The following TRPV3 variants were observed in gnomAD, a reference collection of about 807,000 sequenced individuals.
TRPV3 encodes the protein VRL-3.
Under a neutral mutation model 87.1 loss-of-function variants are expected in TRPV3, and 88 were observed. The ratio of observed to expected loss-of-function variants is 1.01; its 90% CI spans 0.85 to 1.21. The LOEUF (loss-of-function observed/expected upper bound fraction) is 1.21, where lower values mean the gene tolerates loss of function less well. Ranked by LOEUF, TRPV3 falls within the 50% of genes most tolerant of loss-of-function variation. The pLI is 0.00. For missense variants in TRPV3, 1,054 were observed against 1,030.1 expected, an observed-to-expected ratio of 1.02 and a Z score of -0.32; for synonymous variants, 438 against 423.3, an observed-to-expected ratio of 1.03 and a Z score of -0.43.
chr17:3,528,009 CGG>C lies in TRPV3; in HGVS notation c.1503+14_1503+15del. ...GCCTCGCGGGGCGGTCTGGAAGGGCCGGGTGGCCCACTTACCTCTTTCACAGA... is the reference window on the plus strand; with the variant it reads ...GCCTCGCGGGGCGGTCTGGAAGGGCCGTGGCCCACTTACCTCTTTCACAGA... On this transcript the variant is annotated intron_variant, in intron 11 of 17. Transcript: ENST00000576742. This position sits in a 1 kb window ranked among gnomAD's most constrained non-coding sequence, Gnocchi z 4.2. 2 of 1,606,406 alleles carry C rather than the reference CGG, an allele frequency of 1.2e-6. No individual in the cohort carries two copies. Among genetic ancestry groups the C allele is most frequent in the East Asian group, 2.2e-5 (1 of 44,856 alleles).
intron 12 of TRPV3, among the ~76,000 whole-genome samples, chr17:3,525,208 T>TG (rs1282070379): frequency 3.9e-5 from 6 of 152,094 alleles, no homozygotes; most frequent in Non-Finnish European, 7.4e-5. Flanking sequence ...TTAGTAGAGA[T>TG]GGGGTTTCAC....
At chr17:3,519,482 T>TTGGATGGATGGATGGATGGATGAA (rs2074217549) in intron 14 of TRPV3, among the ~76,000 whole-genome samples, 3 of 91,370 alleles carry the variant, frequency 3.3e-5, no homozygotes, top group Non-Finnish European at 4.5e-5. Context: ...GGATAGATGA[T>TTGGATGGATGGATGGATGGATGAA]TGGATGGATG....
intron 7 of TRPV3, among the ~76,000 whole-genome samples, chr17:3,535,128 C>A (rs1008276460): frequency 1.1e-4 from 16 of 151,048 alleles, no homozygotes; most frequent in Admixed American, 5.9e-4. Context: ...GCGGGGTGGC[C>A]CCTCCCTTCC....
At chr17:3,516,187 A>T (rs1250965136) in intron 16 of TRPV3, among the ~76,000 whole-genome samples, 1 of 564 alleles carries the variant, frequency 1.8e-3, no homozygotes, top group Non-Finnish European at 0.028. Context: ...ATTCCGTCTC[A>T]AAAAAAAATA....
chr17:3,525,302 G>A (rs949282397), intron 12 of TRPV3, among the ~76,000 whole-genome samples: 4 of 152,212 alleles, frequency 2.6e-5, no homozygotes, highest in African/African-American at 9.7e-5. Context: ...TTACAGGCGT[G>A]AGCCAACGCG....
chr17:3,556,176 CA>C lies in TRPV3; in HGVS notation c.-2-1325del, dbSNP rs1348166708. ...TGGGCGACAGAGCGAGACTCCGTCT[CA>C]AAAAAAATGAAAAAAAAAAAAAATA... is the stretch of plus-strand genomic sequence containing the variant. On this transcript the variant is annotated intron_variant, in intron 1 of 17. Coordinates refer to ENST00000576742, the MANE Select transcript of TRPV3 (RefSeq NM_145068.4). This position sits in a 1 kb window ranked among gnomAD's most constrained non-coding sequence, Gnocchi z 4.2. Among the ~76,000 whole-genome samples, 2 of 83,310 alleles carry C rather than the reference CA, an allele frequency of 2.4e-5. No individual in the cohort carries two copies. Among genetic ancestry groups the C allele is most frequent in the South Asian group, 4.7e-4 (1 of 2,132 alleles). 54.7% of individuals were successfully genotyped at this position (83,310 alleles called of 152,430 possible).
At chr17:3,525,659 G>A (rs140777603) in intron 12 of TRPV3, among the ~76,000 whole-genome samples, 37 of 147,274 alleles carry the variant, frequency 2.5e-4, no homozygotes, top group Middle Eastern at 7.1e-3. Flanking sequence ...TCACTCTGTC[G>A]CCCAGGCTGG....
At position 3,532,901 on chromosome 17, in the gene TRPV3, T is replaced by C; in HGVS notation, c.821A>G (p.Gln274Arg). 1 of 1,614,212 alleles carries C rather than the reference T, an allele frequency of 6.2e-7. No individual in the cohort carries two copies. Among genetic ancestry groups the C allele is most frequent in the Non-Finnish European group, 8.5e-7 (1 of 1,180,034 alleles). Residue 274 changes from glutamine to arginine, a missense_variant, in exon 8 of 18, where the codon CAG becomes CGG. Coordinates refer to ENST00000576742, the MANE Select transcript of TRPV3 (RefSeq NM_145068.4). Reference protein sequence around the residue: ...TPLALAACTNQPEIVQLLMEH... With the variant: ...TPLALAACTNRPEIVQLLMEH... ...CATCAGCAGCTGCACAATCTCGGGC[T>C]GGTTGGTGCATGCTGCCAGGGCCAG...
At chr17:3,523,687 T>A (rs9890093) in intron 13 of TRPV3, among the ~76,000 whole-genome samples, 16,916 of 141,384 alleles carry the variant, frequency 0.12, 1,305 homozygotes, top group African/African-American at 0.23. Context: ...CACTTTACTC[T>A]GGCCTGGGCA....
At chr17:3,535,473 C>T in intron 7 of TRPV3, 100 bp downstream of exon 7, 2 of 1,239,066 alleles carry the variant, frequency 1.6e-6, no homozygotes, top group Non-Finnish European at 1.1e-6. Flanking sequence ...CTCTTTCTTC[C>T]CCCCTCCTCC....
chr17:3,527,672 G>A, intron 11 of TRPV3: 2 of 325,820 alleles, frequency 6.1e-6, no homozygotes, highest in Non-Finnish European at 1.2e-5. Context: ...ATAGAAGGAT[G>A]GTCGGTAAGG....
At chr17:3,524,156 C>T in intron 13 of TRPV3, 42 bp downstream of exon 13, 1 of 1,601,732 alleles carries the variant, frequency 6.2e-7, no homozygotes, top group Non-Finnish European at 8.5e-7. Context: ...GAAAAATGGC[C>T]ATCCTCCGAG....
In TRPV3 at chr17:3,518,456, G is replaced by A. The variant is rs1597466208; in HGVS notation, c.2085+120C>T. ...CTCCTCAAACCTGGCCACACACTGAGGAGCTTGTGCAGATTCTCAGGCCCC... is the reference window on the plus strand; with the variant it reads ...CTCCTCAAACCTGGCCACACACTGAAGAGCTTGTGCAGATTCTCAGGCCCC... On this transcript the variant is annotated intron_variant, in intron 15 of 17. Transcript: ENST00000576742. This position sits in a 1 kb window ranked among gnomAD's most constrained non-coding sequence, Gnocchi z 4.3. The A allele has an allele frequency of 1.7e-6, 2 of 1,209,852 alleles. No homozygotes were observed. Among genetic ancestry groups the A allele is most frequent in the East Asian group, 5.1e-5 (2 of 39,052 alleles). 74.9% of individuals were successfully genotyped at this position (1,209,852 alleles called of 1,614,324 possible).
intron 13 of TRPV3, among the ~76,000 whole-genome samples, chr17:3,522,059 G>C (rs1263759522): frequency 2.0e-5 from 3 of 152,156 alleles, no homozygotes; most frequent in African/African-American, 7.2e-5. Context: ...CTGGGGGGCA[G>C]AGCCAGACTC....
chr17:3,538,648 G>A (rs201738899), intron 6 of TRPV3, among the ~76,000 whole-genome samples: 3 of 151,800 alleles, frequency 2.0e-5, no homozygotes, highest in East Asian at 1.9e-4. Flanking sequence ...GCAGTGGCGC[G>A]ATCTCGGCTC....
chr17:3,542,393 C>T (rs2074472061), intron 6 of TRPV3, 129 bp downstream of exon 6: 1 of 1,037,842 alleles, frequency 9.6e-7, no homozygotes, highest in Non-Finnish European at 1.4e-6. Context: ...ATCCCTGGTA[C>T]CATGCTACAT....
At chr17:3,521,270 G>A (rs2074243247) in intron 13 of TRPV3, among the ~76,000 whole-genome samples, 1 of 152,046 alleles carries the variant, frequency 6.6e-6, no homozygotes. Context: ...TTCTCCCTGT[G>A]ATTCACCCTG....
Position 3,530,353 on chromosome 17 carries a change from GC to G in TRPV3, c.1066-151del. 2.9e-6 allele frequency: 2 copies of G among 696,614 alleles called. No homozygotes were observed. The highest frequency in any genetic ancestry group is 4.6e-6 in the Non-Finnish European group (2 of 433,936). The allele number at this position is 696,614 out of a possible 1,614,324, so 43.2% of individuals were successfully genotyped here. On this transcript the variant is annotated intron_variant, in intron 8 of 17. Coordinates refer to ENST00000576742, the MANE Select transcript of TRPV3 (RefSeq NM_145068.4). This position sits in a 1 kb window ranked among gnomAD's most constrained non-coding sequence, Gnocchi z 4.0. Reference sequence around the variant, plus strand: ...CTGCGCCTGGCGCCATGGCCCCTGGGCCCCGTCTTTATCTGTGGAATGCGCA... The same window carrying G: ...CTGCGCCTGGCGCCATGGCCCCTGGGCCCGTCTTTATCTGTGGAATGCGCA...
intron 1 of TRPV3, among the ~76,000 whole-genome samples, chr17:3,555,555 C>T (rs1193701897): frequency 6.6e-6 from 1 of 152,148 alleles, no homozygotes; most frequent in East Asian, 1.9e-4. Flanking sequence ...CAGCTGAGTC[C>T]CCTTGCCCCA....
Sources: allele counts gnomAD v4.1 joint callset (sites outside exome capture counted in the v4.1 genomes callset), GRCh38; gene constraint gnomAD v4.1.1; non-coding constraint Gnocchi (gnomAD v3.1); transcripts MANE v1.5; gene names NCBI Gene and HGNC (gene_info 2026-07-23, HGNC 2026-07-21).